The following PEAR1 variants were observed in gnomAD, a reference collection of about 807,000 sequenced individuals.
PEAR1 encodes multiple EGF-like domains protein 12.
A neutral mutation model predicts 131.2 loss-of-function variants in PEAR1; 113 were observed. The observed-to-expected ratio is 0.86, with a 90% CI of 0.74 to 1.01. The LOEUF (loss-of-function observed/expected upper bound fraction) is 1.01. PEAR1 is among the 50% of genes least tolerant of loss of function. The probability of loss-of-function intolerance (pLI) is 0.00; values close to 1 mark genes in which losing one functional copy is unlikely to be tolerated. For missense variants in PEAR1, 1,408 were observed against 1,391.1 expected (o/e 1.01, Z -0.19); for synonymous variants, 565 against 523.3 (o/e 1.08, Z -1.09).
Position 156,908,601 on chromosome 1 carries a change from C to T in PEAR1, c.1116-54C>T. ...CTGACCACGCGGAGGGGTCGGGAAGCTGCCCTGCCCCTGCCCAGCTCAGAC... is the reference window on the plus strand; with the variant it reads ...CTGACCACGCGGAGGGGTCGGGAAGTTGCCCTGCCCCTGCCCAGCTCAGAC... On this transcript the variant is annotated intron_variant, in intron 9 of 22. Transcript: ENST00000292357. The surrounding 1 kb of genome is among the most constrained non-coding windows in gnomAD (Gnocchi z 4.2). The T allele has an allele frequency of 6.9e-7, 1 of 1,450,176 alleles. No homozygotes were observed. Among genetic ancestry groups the T allele is most frequent in the Non-Finnish European group, 9.1e-7 (1 of 1,096,654 alleles). 89.8% of individuals were successfully genotyped at this position (1,450,176 alleles called of 1,614,324 possible).
intron 15 of PEAR1, among the ~76,000 whole-genome samples, chr1:156,911,080 TCTTTCTTTCTTTC>T (rs1651059448): frequency 1.4e-5 from 2 of 138,134 alleles, no homozygotes; most frequent in African/African-American, 3.0e-5. Flanking sequence ...TTTCTTTCTT[TCTTTCTTTCTTTC>T]CTTTCTTTCT....
Position 156,910,589 on chromosome 1 carries a change from C to T in PEAR1, c.1826-29C>T, listed in dbSNP as rs762513512. 3.1e-6 allele frequency: 5 copies of T among 1,611,826 alleles called. No individual in the cohort carries two copies. The African/African-American group carries it at 4.0e-5, about 13-fold the overall frequency. The stretch of plus-strand genomic sequence containing the variant: ...GGCTGATTGAGGATTGGCCTCTGCC[C>T]CCAATCACCATGTACCCCTTTCCCC... On this transcript the variant is annotated intron_variant, in intron 14 of 22. Coordinates refer to ENST00000292357, the MANE Select transcript of PEAR1 (RefSeq NM_001080471.3).
chr1:156,910,359 C>T lies in PEAR1; in HGVS notation c.1804C>T (p.Arg602Trp), dbSNP rs764500775. ...NGNCVCAPGF[R>W]GPSCQRSCQP... ...CAACTGCGTGTGTGCACCCGGATTCCGGGGCCCCTCCTGCCAGAGATGTGA... is the reference window on the plus strand; with the variant it reads ...CAACTGCGTGTGTGCACCCGGATTCTGGGGCCCCTCCTGCCAGAGATGTGA... The change falls in exon 14 of 23, where the codon CGG becomes TGG. Residue 602 changes from arginine to tryptophan, a missense_variant. By Grantham distance (101) the Arg-to-Trp change is moderately radical. Coordinates refer to ENST00000292357, the MANE Select transcript of PEAR1 (RefSeq NM_001080471.3). 11 of 1,602,296 alleles carry T rather than the reference C, an allele frequency of 6.9e-6. No individual in the cohort carries two copies. The highest frequency in any genetic ancestry group is 4.5e-5 in the East Asian group (2 of 44,834).
rs763569388 is a variant in PEAR1 at position 156,912,542 on chromosome 1, G to A, written c.2129G>A (p.Cys710Tyr). ...FGANCSQPCQ[C>Y]GPGEKCHPET... ...GCTAACTGCTCCCAGCCATGCCAGTGTGGTCCTGGAGAAAAGTGCCACCCA... is the reference window on the plus strand; with the variant it reads ...GCTAACTGCTCCCAGCCATGCCAGTATGGTCCTGGAGAAAAGTGCCACCCA... Residue 710 changes from cysteine to tyrosine, a missense_variant, in exon 17 of 23, where the codon TGT (cysteine) becomes TAT (tyrosine). Cys to Tyr is a radical substitution (Grantham distance 194, BLOSUM62 -2). Coordinates refer to ENST00000292357, the MANE Select transcript of PEAR1 (RefSeq NM_001080471.3). The A allele has an allele frequency of 6.2e-7, 1 of 1,614,098 alleles. No individual in the cohort carries two copies. The highest frequency in any genetic ancestry group is 1.1e-5 in the South Asian group (1 of 91,082).
At chr1:156,913,365 C>G in intron 19 of PEAR1, 26 bp from the exon 20 acceptor site, 1 of 1,609,362 alleles carries the variant, frequency 6.2e-7, no homozygotes, top group South Asian at 1.1e-5. Context: ...GCCTCTTGCT[C>G]TCCCTCCTGC....
At position 156,908,663 on chromosome 1, in the gene PEAR1, C is replaced by A; in HGVS notation, c.1124C>A (p.Pro375Gln). ...CDREHSLSCHPMNGECSCLPG... is the reference protein window; with the variant it reads ...CDREHSLSCHQMNGECSCLPG... ...CCCGCCTCTGCCCCCAGCTGCCACC[C>A]GATGAACGGGGAGTGCTCCTGCCTG... The change falls in exon 10 of 23, where the codon CCG becomes CAG. Residue 375 changes from proline to glutamine, a missense_variant. By Grantham distance (76) the Pro-to-Gln change is moderately conservative (BLOSUM62 -1). Transcript: ENST00000292357. This position sits in a 1 kb window ranked among gnomAD's most constrained non-coding sequence, Gnocchi z 4.2. 6 of 1,526,098 alleles carry A rather than the reference C, an allele frequency of 3.9e-6. No individual in the cohort carries two copies. Among genetic ancestry groups the A allele is most frequent in the South Asian group, 2.4e-5 (2 of 82,860 alleles). 94.5% of individuals were successfully genotyped at this position (1,526,098 alleles called of 1,614,324 possible).
chr1:156,907,032 A>G, intron 6 of PEAR1, 152 bp downstream of exon 6: 2 of 1,210,098 alleles, frequency 1.7e-6, no homozygotes, highest in Non-Finnish European at 2.2e-6. Flanking sequence ...ATTCCTCACG[A>G]GTGGAGTGAC....
chr1:156,914,136 G>A (rs369047523), intron 22 of PEAR1, 36 bp downstream of exon 22: 3 of 1,530,620 alleles, frequency 2.0e-6, no homozygotes, highest in Non-Finnish European at 2.6e-6. Context: ...GAGCAGCAGA[G>A]AACTGGGACA....
At position 156,912,493 on chromosome 1, in the gene PEAR1, G is replaced by C; in HGVS notation, c.2081-1G>C. 6.2e-7 allele frequency: 1 copy of C among 1,612,522 alleles called. No individual in the cohort carries two copies. Among genetic ancestry groups the C allele is most frequent in the Admixed American group, 1.7e-5 (1 of 59,774 alleles). On this transcript the variant is annotated splice_acceptor_variant, in intron 16 of 22. Transcript: ENST00000292357. LOFTEE classifies it high-confidence loss of function. ...GCCTGCCTCCTTGGCTGTCTCCCCA[G>C]GCTGCCCTCTGGGGACATTTGGTGC...
At chr1:156,900,834 G>A (rs1475027697) in intron 1 of PEAR1, among the ~76,000 whole-genome samples, 3 of 152,128 alleles carry the variant, frequency 2.0e-5, no homozygotes, top group Non-Finnish European at 4.4e-5. Flanking sequence ...CAGAGCAGGG[G>A]TCCAGGAGTG....
At chr1:156,909,370 G>A (rs1650777461) in intron 11 of PEAR1, among the ~76,000 whole-genome samples, 1 of 152,118 alleles carries the variant, frequency 6.6e-6, no homozygotes, top group Non-Finnish European at 1.5e-5. Context: ...CAACCTTTAG[G>A]CTGGACTCGG....
Position 156,905,419 on chromosome 1 carries a change from GT to G in PEAR1, c.303del (p.Cys101TrpfsTer276). On this transcript the variant is annotated frameshift_variant, in exon 4 of 23. Coordinates refer to ENST00000292357, the MANE Select transcript of PEAR1 (RefSeq NM_001080471.3). LOFTEE classifies it high-confidence loss of function. Reference protein sequence around the residue: ...CHGFYESRGFCVPLCAQECVH... With the variant: ...CHGFYESRGFXVPLCAQECVH... ...GGCTTCTATGAGAGCAGGGGGTTCTGTGTCCGTGAGTCCAGGGTTGGGTTAG... is the reference window on the plus strand; with the variant it reads ...GGCTTCTATGAGAGCAGGGGGTTCTGGTCCGTGAGTCCAGGGTTGGGTTAG... 1 of 1,602,260 alleles carries G rather than the reference GT, an allele frequency of 6.2e-7. No individual in the cohort carries two copies. The highest frequency in any genetic ancestry group is 2.2e-5 in the East Asian group (1 of 44,848).
In PEAR1 at chr1:156,908,787, C is replaced by T; in HGVS notation, c.1248C>T (p.Cys416=). Residue 416 remains cysteine, a synonymous_variant, in exon 10 of 23, where the codon TGC becomes TGT. Transcript: ENST00000292357. This position sits in a 1 kb window ranked among gnomAD's most constrained non-coding sequence, Gnocchi z 4.2. ...GTCTCTGCCTGCACGGTGGCGTCTG[C>T]CAGGCTACCAGCGGCCTCTGTCAGT... The part of the protein sequence containing the change: ...EHCLCLHGGV[C]QATSGLCQCA... 6.2e-7 allele frequency: 1 copy of T among 1,605,228 alleles called. No individual in the cohort carries two copies. The highest frequency in any genetic ancestry group is 1.3e-5 in the African/African-American group (1 of 74,974).
chr1:156,910,813 GT>G, intron 15 of PEAR1, 70 bp downstream of exon 15: 4 of 1,590,572 alleles, frequency 2.5e-6, no homozygotes, highest in Non-Finnish European at 3.4e-6. Context: ...GGAGGTCTCT[GT>G]CCCCCAGCTC....
chr1:156,909,122 G>A, intron 11 of PEAR1, 86 bp downstream of exon 11: 1 of 1,565,210 alleles, frequency 6.4e-7, no homozygotes, highest in Non-Finnish European at 8.7e-7. Context: ...TGGGCCAAGG[G>A]CAGGGGAGCG....
Position 156,914,191 on chromosome 1 carries a change from T to C in PEAR1, c.2962+91T>C. ...AGGAACAGAGGGAGAAGAGAAGGCA[T>C]GATGTGGCATCAAGAGTGAGGCCTT... On this transcript the variant is annotated intron_variant, in intron 22 of 22. Coordinates refer to ENST00000292357, the MANE Select transcript of PEAR1 (RefSeq NM_001080471.3). The C allele has an allele frequency of 8.9e-6, 13 of 1,455,974 alleles. No individual in the cohort carries two copies. The South Asian group carries it at 1.5e-4, about 16-fold the overall frequency. The allele number at this position is 1,455,974 out of a possible 1,614,324, so 90.2% of individuals were successfully genotyped here.
In PEAR1 at chr1:156,914,663, C is replaced by T. The variant is rs768383962; in HGVS notation, c.2979C>T (p.Gly993=). The T allele has an allele frequency of 1.2e-6, 2 of 1,612,252 alleles. No individual in the cohort carries two copies. Among genetic ancestry groups the T allele is most frequent in the Non-Finnish European group, 1.7e-6 (2 of 1,179,004 alleles). The part of the protein sequence containing the change: ...SPLIHDRDSV[G]SQPPLPPGLP... ...TGTTTCCAGACCGAGACTCTGTGGG[C>T]TCCCAGCCCCCTCTGCCTCCGGGCC... The change falls in exon 23 of 23, where the codon GGC becomes GGT. Residue 993 remains glycine (G), a synonymous_variant. Coordinates refer to ENST00000292357, the MANE Select transcript of PEAR1 (RefSeq NM_001080471.3).
Position 156,908,886 on chromosome 1 carries a change from C to A in PEAR1, c.1291-30C>A, listed in dbSNP as rs576198315. ...CAGGTGGAGAGGCCAAGGAATGGGC[C>A]GCCCCTCTCACCCGCTCACCCTCTT... On this transcript the variant is annotated intron_variant, in intron 10 of 22. Coordinates refer to ENST00000292357, the MANE Select transcript of PEAR1 (RefSeq NM_001080471.3). This position sits in a 1 kb window ranked among gnomAD's most constrained non-coding sequence, Gnocchi z 4.2. 1 of 1,610,176 alleles carries A rather than the reference C, an allele frequency of 6.2e-7. No individual in the cohort carries two copies. The highest frequency in any genetic ancestry group is 1.7e-5 in the Admixed American group (1 of 59,998).
chr1:156,911,830 T>C (rs1453067120), intron 15 of PEAR1, among the ~76,000 whole-genome samples: 1 of 152,214 alleles, frequency 6.6e-6, no homozygotes, highest in Non-Finnish European at 1.5e-5. Flanking sequence ...GAAGAGTTTT[T>C]CCATAGACTC....
Sources: allele counts gnomAD v4.1 joint callset (sites outside exome capture counted in the v4.1 genomes callset), GRCh38; gene constraint gnomAD v4.1.1; non-coding constraint Gnocchi (gnomAD v3.1); transcripts MANE v1.5; gene names NCBI Gene and HGNC (gene_info 2026-07-23, HGNC 2026-07-21).